The following STARD9 variants were observed in gnomAD, a reference collection of about 807,000 sequenced individuals.
STARD9 encodes StAR related lipid transfer domain containing 9, also known as stAR-related lipid transfer protein 9.
STARD9 carries 346 observed loss-of-function variants against 399.8 expected under a neutral mutation model. The ratio of observed to expected loss-of-function variants is 0.87; its 90% confidence interval spans 0.79 to 0.95. The LOEUF (loss-of-function observed/expected upper bound fraction) is 0.95. Among genes scored for constraint, STARD9 ranks in the 40% least tolerant of loss-of-function variants. The pLI, the probability that STARD9 is intolerant of heterozygous loss-of-function variation, is 0.00. For synonymous variants in STARD9, 2,203 were observed against 2,143.5 expected (o/e 1.03, Z -0.77); for missense variants, 5,832 against 5,667.5 (o/e 1.03, Z -0.93).
At chr15:42,651,114 TTTTATC>T (rs1566904548) in intron 8 of STARD9, 29 bp downstream of exon 8, 1 of 1,460,984 alleles carries the variant, frequency 6.8e-7, no homozygotes. Flanking sequence ...TCTGTCATTC[TTTTATC>T]CTCACACTCC....
chr15:42,644,391 G>A (rs929040078), intron 7 of STARD9, among the ~76,000 whole-genome samples: 5 of 152,042 alleles, frequency 3.3e-5, no homozygotes, highest in African/African-American at 4.8e-5. Context: ...TATTCGGGAG[G>A]CTGAGGCAGG....
chr15:42,704,072 T>C (rs1452578643), intron 26 of STARD9, among the ~76,000 whole-genome samples: 1 of 151,976 alleles, frequency 6.6e-6, no homozygotes, highest in Non-Finnish European at 1.5e-5. Context: ...AGCGCCCGGC[T>C]AATTTTTTTT....
At chr15:42,677,805 C>T (rs2060341611) in intron 20 of STARD9, among the ~76,000 whole-genome samples, 1 of 152,206 alleles carries the variant, frequency 6.6e-6, no homozygotes, top group Admixed American at 6.5e-5. Context: ...GGTGCAGACA[C>T]ACCCCACAGC....
chr15:42,582,441 C>G (rs1002677181), intron 1 of STARD9, among the ~76,000 whole-genome samples: 4 of 152,086 alleles, frequency 2.6e-5, no homozygotes, highest in African/African-American at 9.7e-5. Flanking sequence ...CTGGATTAAG[C>G]CCATTAAAGT....
chr15:42,597,996 ATATATG>A lies in STARD9; in HGVS notation c.234+12361_234+12366del, dbSNP rs1325123149. The stretch of plus-strand genomic sequence containing the variant: ...TGTGTGTGTGTGTGTGTTTGTATAT[ATATATG>A]TGTGTGTGTGTGTGTGTGTGTGTGT... On this transcript the variant is annotated intron_variant, in intron 3 of 32. Transcript: ENST00000290607. 5.2e-4 allele frequency among the ~76,000 whole-genome samples: 23 copies of A among 43,984 alleles called. No homozygotes were observed. In the East Asian group the frequency reaches 6.5e-3, roughly 13 times the overall value. 28.9% of individuals were successfully genotyped at this position (43,984 alleles called of 152,430 possible).
At chr15:42,681,880 C>T (rs2060437694) in intron 21 of STARD9, among the ~76,000 whole-genome samples, 1 of 152,160 alleles carries the variant, frequency 6.6e-6, no homozygotes, top group African/African-American at 2.4e-5. Context: ...ACCCTACCGC[C>T]TGCCCTAGCA....
At chr15:42,592,290 A>G (rs2058413943) in intron 3 of STARD9, among the ~76,000 whole-genome samples, 1 of 152,192 alleles carries the variant, frequency 6.6e-6, no homozygotes, top group South Asian at 2.1e-4. Flanking sequence ...CAAAAGGAAA[A>G]TGAAGGATAT....
chr15:42,610,835 C>T (rs2058833767), intron 3 of STARD9, among the ~76,000 whole-genome samples: 1 of 152,218 alleles, frequency 6.6e-6, no homozygotes, highest in South Asian at 2.1e-4. Context: ...GCGTGAGCTA[C>T]CGTGCCTGGC....
At position 42,687,444 on chromosome 15, in the gene STARD9, G is replaced by A. The variant is rs2060587593; in HGVS notation, c.5866G>A (p.Val1956Ile). Residue 1956 changes from valine (V) to isoleucine (I), a missense_variant, in exon 23 of 33, where the codon GTA (valine) becomes ATA (isoleucine). Coordinates refer to ENST00000290607, the MANE Select transcript of STARD9 (RefSeq NM_020759.3). ...GAAATCCAGATCAGTAGATCGTAGA[G>A]TAAGCAGCCCAGTGATGGTGGCCCA... is the stretch of plus-strand genomic sequence containing the variant. Reference protein sequence around the residue: ...SLKSRSVDRRVSSPVMVAQGG... With the variant: ...SLKSRSVDRRISSPVMVAQGG... The A allele has an allele frequency of 2.0e-6, 3 of 1,537,202 alleles. No homozygotes were observed. Among genetic ancestry groups the A allele is most frequent in the Non-Finnish European group, 2.6e-6 (3 of 1,146,914 alleles).
chr15:42,694,538 G>C lies in STARD9; in HGVS notation c.12775G>C (p.Ala4259Pro), dbSNP rs1237311739. Reference sequence around the variant, plus strand: ...CGTGTTTTGCCTCAGGCAAAAAAAGGCCATTGAGACCCTCAGGAGAGAGCG... The same window carrying C: ...CGTGTTTTGCCTCAGGCAAAAAAAGCCCATTGAGACCCTCAGGAGAGAGCG... ...WKELYARQKK[A>P]IETLRRERAE... The change falls in exon 24 of 33, where the codon GCC (alanine) becomes CCC (proline). Residue 4259 changes from alanine (A) to proline (P), a missense_variant. Physicochemically the swap from Ala to Pro is conservative, Grantham distance 27. Around this residue, in one of 2 missense-constraint regions of STARD9, gnomAD observed 5,828 missense variants for 5,651.1 expected, o/e 1.03. Transcript: ENST00000290607. 3.3e-6 allele frequency: 5 copies of C among 1,537,164 alleles called. No individual in the cohort carries two copies. The highest frequency in any genetic ancestry group is 4.4e-6 in the Non-Finnish European group (5 of 1,146,898).
intron 4 of STARD9, among the ~76,000 whole-genome samples, chr15:42,636,854 T>G (rs1462769450): frequency 6.6e-6 from 1 of 152,010 alleles, no homozygotes; most frequent in Non-Finnish European, 1.5e-5. Flanking sequence ...TCACCTGAGC[T>G]CAGGAGTTCA....
At chr15:42,717,116 G>A in intron 28 of STARD9, 68 bp downstream of exon 28, 1 of 1,509,208 alleles carries the variant, frequency 6.6e-7, no homozygotes. Flanking sequence ...TGCAGGAAGA[G>A]AAAGTAGGAA....
chr15:42,711,119 C>T (rs2061209468), intron 26 of STARD9, among the ~76,000 whole-genome samples: 1 of 151,498 alleles, frequency 6.6e-6, no homozygotes, highest in South Asian at 2.1e-4. Flanking sequence ...CTGAAATTAC[C>T]ATCGTAAGCT....
At chr15:42,678,675 G>C (rs1481782065) in intron 20 of STARD9, among the ~76,000 whole-genome samples, 1 of 152,174 alleles carries the variant, frequency 6.6e-6, no homozygotes, top group Non-Finnish European at 1.5e-5. Context: ...GAAGAAGCAG[G>C]AGAGTGCAGT....
At chr15:42,676,155 A>G (rs1189843519) in intron 20 of STARD9, among the ~76,000 whole-genome samples, 180 bp downstream of exon 20, 1 of 152,076 alleles carries the variant, frequency 6.6e-6, no homozygotes, top group Non-Finnish European at 1.5e-5. Flanking sequence ...CTAAGTTCGT[A>G]GTTGGCAGGG....
rs776240532 is a variant in STARD9 at position 42,686,902 on chromosome 15, C to A, written c.5324C>A (p.Pro1775His). The part of the protein sequence containing the change: ...ACREVRVPSP[P>H]PREAWGFGHN... ...AGAGAAGTAAGGGTACCCTCCCCAC[C>A]CCCCAGGGAAGCCTGGGGCTTTGGT... is the stretch of plus-strand genomic sequence containing the variant. Residue 1775 changes from proline (P) to histidine (H), a missense_variant, in exon 23 of 33, where the codon CCC (proline) becomes CAC (histidine). Physicochemically the swap from Pro to His is moderately conservative, Grantham distance 77 (BLOSUM62 -2). Around this residue, in one of 2 missense-constraint regions of STARD9, gnomAD observed 5,828 missense variants for 5,651.1 expected, o/e 1.03. Transcript: ENST00000290607. The A allele has an allele frequency of 4.6e-6, 7 of 1,536,704 alleles. No individual in the cohort carries two copies. Among genetic ancestry groups the A allele is most frequent in the African/African-American group, 1.4e-5 (1 of 73,112 alleles).
chr15:42,577,529 G>A (rs960427838), intron 1 of STARD9, among the ~76,000 whole-genome samples: 8 of 152,196 alleles, frequency 5.3e-5, no homozygotes, highest in East Asian at 1.9e-4. Flanking sequence ...AGCCACAGTA[G>A]AGAATAACAT....
At position 42,696,722 on chromosome 15, in the gene STARD9, GGAGA is replaced by G. The variant is rs569851918; in HGVS notation, c.13284+849_13284+852del. ...GAAGACGAACAGAGGAGGATGTAATGGAGAGAGAGATCTGCAGGACTTGGTGACT... is the reference window on the plus strand; with the variant it reads ...GAAGACGAACAGAGGAGGATGTAATGGAGAGATCTGCAGGACTTGGTGACT... On this transcript the variant is annotated intron_variant, in intron 26 of 32. Transcript: ENST00000290607. 6.0e-4 allele frequency among the ~76,000 whole-genome samples: 92 copies of G among 152,314 alleles called. No homozygotes were observed. The South Asian group carries it at 0.018, about 30-fold the overall frequency.
intron 9 of STARD9, among the ~76,000 whole-genome samples, chr15:42,656,573 C>G (rs750378665): frequency 5.3e-5 from 8 of 152,004 alleles, no homozygotes; most frequent in Non-Finnish European, 1.0e-4. Context: ...AAATACAGAA[C>G]CAGCCCAAAT....
Sources: allele counts gnomAD v4.1 joint callset (sites outside exome capture counted in the v4.1 genomes callset), GRCh38; gene constraint gnomAD v4.1.1; regional missense constraint gnomAD v4.1.1; transcripts MANE v1.5; gene names NCBI Gene and HGNC (gene_info 2026-07-23, HGNC 2026-07-21).